MYH13: variants seen among roughly 807,000 people sequenced by gnomAD.
MYH13 encodes myosin-13.
MYH13 carries 177 observed loss-of-function variants against 232.1 expected under a neutral mutation model. The observed-to-expected ratio is 0.76, with a 90% confidence interval of 0.67 to 0.86. The LOEUF (loss-of-function observed/expected upper bound fraction) is 0.86, where lower values mean the gene tolerates loss of function less well. Ranked by LOEUF, MYH13 falls within the 40% of genes least tolerant of loss-of-function variation. The probability of loss-of-function intolerance (pLI) is 0.00; values close to 1 mark genes in which losing one functional copy is unlikely to be tolerated. For synonymous variants in MYH13, 884 were observed against 923.5 expected (o/e 0.96, Z 0.78); for missense variants, 2,246 against 2,405.9 (o/e 0.93, Z 1.39).
At chr17:10,352,306 G>T (rs1361249819) in intron 11 of MYH13, among the ~76,000 whole-genome samples, 1 of 152,090 alleles carries the variant, frequency 6.6e-6, no homozygotes, top group Non-Finnish European at 1.5e-5. Flanking sequence ...TAAAAGCTCC[G>T]TGAGGCCAGG....
rs554828485 is a variant in MYH13 at position 10,309,344 on chromosome 17, C to T, written c.5059G>A (p.Glu1687Lys). ...IVERRNGLLL[E>K]ELEEMKVALE... is the part of the protein sequence containing the mutation. The stretch of plus-strand genomic sequence containing the variant: ...GCCACCTTCATTTCCTCCAGCTCCT[C>T]CAGCAGGAGGCCATTCCTGCGCTCC... Residue 1687 changes from glutamate to lysine, a missense_variant, in exon 35 of 41, where the codon GAG becomes AAG. Glu to Lys is a moderately conservative substitution (Grantham distance 56, BLOSUM62 1). Transcript: ENST00000252172. The T allele has an allele frequency of 4.9e-5, 79 of 1,613,716 alleles. No individual in the cohort carries two copies. The highest frequency in any genetic ancestry group is 5.3e-5 in the Non-Finnish European group (62 of 1,179,844).
At position 10,371,224 on chromosome 17, in the gene MYH13, G is replaced by A. The variant is rs951337431; in HGVS notation, c.-28C>T. The A allele has an allele frequency of 1.3e-5, 2 of 152,064 alleles. No individual in the cohort carries two copies. The highest frequency in any genetic ancestry group is 4.8e-5 in the African/African-American group (2 of 41,384). The allele number at this position is 152,064 out of a possible 1,614,324, so 9.4% of individuals were successfully genotyped here. ...TAACCCTTACCTTCTTGGTTCCCAA[G>A]TGACAGTCAGTGTCCTTCAGGAATA... On this transcript the variant is annotated 5_prime_UTR_variant, in exon 2 of 41. Transcript: ENST00000252172.
intron 32 of MYH13, 63 bp downstream of exon 32, chr17:10,311,848 T>C: frequency 1.3e-6 from 2 of 1,587,194 alleles, no homozygotes; most frequent in South Asian, 1.1e-5. Context: ...TGTGGCCAAA[T>C]GGGGAAGGGG....
chr17:10,338,353 C>T (rs960879216), intron 18 of MYH13, among the ~76,000 whole-genome samples: 1 of 151,692 alleles, frequency 6.6e-6, no homozygotes, highest in African/African-American at 2.4e-5. Flanking sequence ...GCATATATCA[C>T]AATGATGTAG....
Position 10,324,050 on chromosome 17 carries a change from T to G in MYH13, c.2906A>C (p.Glu969Ala). Residue 969 changes from glutamate to alanine, a missense_variant, in exon 23 of 41, where the codon GAA becomes GCA. Coordinates refer to ENST00000252172, the MANE Select transcript of MYH13 (RefSeq NM_003802.3). The stretch of plus-strand genomic sequence containing the variant: ...GTTCTCTGTGGCATGCTTCTCCTTT[T>G]CAACTTTCGTCAAGGTCAGCTCCAG... Reference protein sequence around the residue: ...DDLELTLTKVEKEKHATENKV... With the variant: ...DDLELTLTKVAKEKHATENKV... 1 of 1,614,034 alleles carries G rather than the reference T, an allele frequency of 6.2e-7. No individual in the cohort carries two copies. The highest frequency in any genetic ancestry group is 8.5e-7 in the Non-Finnish European group (1 of 1,179,966).
intron 3 of MYH13, 124 bp downstream of exon 3, chr17:10,364,203 A>G: frequency 2.0e-6 from 2 of 1,011,402 alleles, no homozygotes; most frequent in Non-Finnish European, 2.9e-6. Context: ...TCACCGCAGA[A>G]CAGATAAACT....
chr17:10,363,580 A>G (rs1169593513), intron 3 of MYH13, among the ~76,000 whole-genome samples: 1 of 152,134 alleles, frequency 6.6e-6, no homozygotes, highest in Non-Finnish European at 1.5e-5. Context: ...TGAATCTTTA[A>G]GGACTGGGAC....
At chr17:10,336,189 C>T (rs1399815099) in intron 18 of MYH13, among the ~76,000 whole-genome samples, 1 of 152,054 alleles carries the variant, frequency 6.6e-6, no homozygotes, top group East Asian at 1.9e-4. Flanking sequence ...GAATCCTGAG[C>T]TGAGTTCTCT....
In MYH13 at chr17:10,359,387, G is replaced by C. The variant is rs536047918; in HGVS notation, c.645+573C>G. Among the ~76,000 whole-genome samples, 20 of 152,296 alleles carry C rather than the reference G, an allele frequency of 1.3e-4. No individual in the cohort carries two copies. The South Asian group carries it at 4.1e-3, about 32-fold the overall frequency. On this transcript the variant is annotated intron_variant, in intron 7 of 40. Transcript: ENST00000252172. Reference sequence around the variant, plus strand: ...GTTCCAGGTTGATGAACACCTAGAGGTACTGGGAGGATGTCACCTGCAGAG... The same window carrying C: ...GTTCCAGGTTGATGAACACCTAGAGCTACTGGGAGGATGTCACCTGCAGAG...
chr17:10,303,494 C>A lies in MYH13; in HGVS notation c.5471G>T (p.Arg1824Leu). 1 of 1,613,668 alleles carries A rather than the reference C, an allele frequency of 6.2e-7. No homozygotes were observed. The highest frequency in any genetic ancestry group is 8.5e-7 in the Non-Finnish European group (1 of 1,179,634). Reference sequence around the variant, plus strand: ...CACATCAAGCTCATTTTCCAGCTCCCGCACCTGAGTAGGATGAAAGGAACA... The same window carrying A: ...CACATCAAGCTCATTTTCCAGCTCCAGCACCTGAGTAGGATGAAAGGAACA... ...KQIQKLENRVRELENELDVEQ... is the reference protein window; with the variant it reads ...KQIQKLENRVLELENELDVEQ... The change falls in exon 38 of 41, where the codon CGG becomes CTG. Residue 1824 changes from arginine to leucine, a missense_variant. Transcript: ENST00000252172.
intron 22 of MYH13, among the ~76,000 whole-genome samples, chr17:10,326,587 C>T (rs1399248037): frequency 6.6e-6 from 1 of 151,842 alleles, no homozygotes; most frequent in East Asian, 1.9e-4. Context: ...TCTCCTGCCT[C>T]AGCCTCCTGA....
intron 8 of MYH13, among the ~76,000 whole-genome samples, chr17:10,355,644 C>A (rs917379314): frequency 5.3e-5 from 8 of 152,122 alleles, no homozygotes; most frequent in Admixed American, 5.2e-4. Flanking sequence ...TCAGGTAGCT[C>A]TACCCAAGCA....
intron 11 of MYH13, among the ~76,000 whole-genome samples, chr17:10,353,507 C>G (rs1342743516): frequency 1.3e-5 from 2 of 152,056 alleles, no homozygotes; most frequent in Non-Finnish European, 2.9e-5. Flanking sequence ...AGATGAATTG[C>G]TCACAGACGG....
intron 17 of MYH13, 26 bp downstream of exon 17, chr17:10,340,302 A>T: frequency 6.2e-7 from 1 of 1,613,772 alleles, no homozygotes; most frequent in Non-Finnish European, 8.5e-7. Context: ...AAAACAAGTG[A>T]ATATGGAAGC....
In MYH13 at chr17:10,311,121, G is replaced by A. The variant is rs773088705; in HGVS notation, c.4638C>T (p.Val1546=). 2.4e-5 allele frequency: 39 copies of A among 1,613,824 alleles called. No homozygotes were observed. The highest frequency in any genetic ancestry group is 2.0e-4 in the East Asian group (9 of 44,888). Residue 1546 remains valine (V), a synonymous_variant, in exon 33 of 41, where the codon GTC becomes GTT. Coordinates refer to ENST00000252172, the MANE Select transcript of MYH13 (RefSeq NM_003802.3). ...LVEQEKSDLQ[V]ALEEVEGSLE... ...CACTTACCTCCACTTCTTCTAAGGC[G>A]ACCTGCAGATCTGACTTTTCCTGCT...
At chr17:10,359,351 G>A (rs1272667338) in intron 7 of MYH13, among the ~76,000 whole-genome samples, 3 of 152,170 alleles carry the variant, frequency 2.0e-5, no homozygotes, top group African/African-American at 7.2e-5. Flanking sequence ...TACACAGAAG[G>A]CTTCAGAGAG....
chr17:10,315,759 G>A lies in MYH13; in HGVS notation c.3918C>T (p.Thr1306=). 1 of 1,613,794 alleles carries A rather than the reference G, an allele frequency of 6.2e-7. No homozygotes were observed. The highest frequency in any genetic ancestry group is 8.5e-7 in the Non-Finnish European group (1 of 1,179,884). ...EEKESLISQL[T]KSKQALTQQL... ...GCTGGGTGAGGGCCTGCTTGCTTTT[G>A]GTCAGCTGTGAAATCAGAGACTCCT... Residue 1306 remains threonine (T), a synonymous_variant, in exon 29 of 41, where the codon ACC becomes ACT. Transcript: ENST00000252172.
intron 21 of MYH13, among the ~76,000 whole-genome samples, chr17:10,328,388 C>T (rs1567663078): frequency 6.6e-6 from 1 of 152,236 alleles, no homozygotes; most frequent in African/African-American, 2.4e-5. Context: ...CACCACCCTA[C>T]TGAGAGTGCC....
At chr17:10,363,315 CAAA>C (rs11390504) in intron 3 of MYH13, among the ~76,000 whole-genome samples, 3 of 91,768 alleles carry the variant, frequency 3.3e-5, no homozygotes, top group African/African-American at 9.4e-5. Flanking sequence ...GACTCCGTCT[CAAA>C]AAAAAAAAAA....
Sources: allele counts gnomAD v4.1 joint callset (sites outside exome capture counted in the v4.1 genomes callset), GRCh38; gene constraint gnomAD v4.1.1; transcripts MANE v1.5; gene names NCBI Gene and HGNC (gene_info 2026-07-23, HGNC 2026-07-21).